The following RAI1 variants were observed in gnomAD, a reference collection of about 807,000 sequenced individuals.
RAI1 encodes the protein retinoic acid induced 1.
RAI1 carries 9 observed loss-of-function variants against 123.8 expected under a neutral mutation model. That is an observed-to-expected ratio of 0.07 (90% CI 0.04 to 0.13). The LOEUF (loss-of-function observed/expected upper bound fraction) is 0.13. RAI1 is among the 10% of genes least tolerant of loss of function. RAI1 has a pLI of 1.00. For synonymous variants in RAI1, 1,231 were observed against 1,127.3 expected (o/e 1.09, Z -1.84); for missense variants, 2,256 against 2,545.8 (o/e 0.89, Z 2.45).
intron 2 of RAI1, among the ~76,000 whole-genome samples, chr17:17,773,020 T>C (rs1470257658): frequency 1.5e-5 from 2 of 130,730 alleles, no homozygotes; most frequent in African/African-American, 5.8e-5. Flanking sequence ...GGTGGATGGA[T>C]AGATGGGTGT....
Position 17,797,805 on chromosome 17 carries a change from T to C in RAI1, c.4857T>C (p.Asp1619=). 1.2e-6 allele frequency: 2 copies of C among 1,614,040 alleles called. No individual in the cohort carries two copies. Among genetic ancestry groups the C allele is most frequent in the Non-Finnish European group, 1.7e-6 (2 of 1,180,024 alleles). The change falls in exon 3 of 6, where the codon GAT becomes GAC. Residue 1619 remains aspartate (D), a synonymous_variant. Coordinates refer to ENST00000353383, the MANE Select transcript of RAI1 (RefSeq NM_030665.4). ...TICTVVNSPG[D]APKPHRKPSS... is the part of the protein sequence containing the mutation. ...GCACTGTTGTCAACTCCCCTGGAGA[T>C]GCGCCCAAGCCCCACAGGAAGCCTT...
intron 2 of RAI1, among the ~76,000 whole-genome samples, chr17:17,740,735 T>A (rs1916596478): frequency 6.6e-6 from 1 of 152,166 alleles, no homozygotes; most frequent in African/African-American, 2.4e-5. Context: ...GGGACAATGC[T>A]ATTTTTCATA....
At chr17:17,735,165 G>A (rs1916389667) in intron 2 of RAI1, among the ~76,000 whole-genome samples, 1 of 151,730 alleles carries the variant, frequency 6.6e-6, no homozygotes, top group Non-Finnish European at 1.5e-5. Context: ...CAATTGTCCT[G>A]CCTCAGCCTC....
chr17:17,716,514 A>AG (rs1205508058), intron 1 of RAI1, among the ~76,000 whole-genome samples: 1 of 151,970 alleles, frequency 6.6e-6, no homozygotes, highest in Admixed American at 6.6e-5. Context: ...GCCCAGCCTG[A>AG]GGGGGGGACA....
At chr17:17,709,311 T>A (rs77650532) in intron 1 of RAI1, among the ~76,000 whole-genome samples, 156 of 152,290 alleles carry the variant, frequency 1.0e-3, no homozygotes, top group African/African-American at 3.5e-3. Flanking sequence ...GTCTGCTGTT[T>A]GCCGTATCAA....
At position 17,801,071 on chromosome 17, in the gene RAI1, G is replaced by A. The variant is rs2032445539; in HGVS notation, c.5565+2558G>A. 6.6e-6 allele frequency among the ~76,000 whole-genome samples: 1 copy of A among 152,136 alleles called. No individual in the cohort carries two copies. Among genetic ancestry groups the A allele is most frequent in the African/African-American group, 2.4e-5 (1 of 41,422 alleles). ...CCCTCGGTACCTTGACCTCACTTTTGCGCTCTGGAGGGCAGAACCTCTGAG... is the reference window on the plus strand; with the variant it reads ...CCCTCGGTACCTTGACCTCACTTTTACGCTCTGGAGGGCAGAACCTCTGAG... On this transcript the variant is annotated intron_variant, in intron 3 of 5. Coordinates refer to ENST00000353383, the MANE Select transcript of RAI1 (RefSeq NM_030665.4). This position sits in a 1 kb window ranked among gnomAD's most constrained non-coding sequence, Gnocchi z 4.1.
chr17:17,808,794 A>G (rs2032648917), intron 4 of RAI1, among the ~76,000 whole-genome samples: 1 of 152,186 alleles, frequency 6.6e-6, no homozygotes, highest in African/African-American at 2.4e-5. Context: ...ATAGGCATAC[A>G]GTAGGTGGCA....
At chr17:17,798,832 A>G (rs1397140228) in intron 3 of RAI1, among the ~76,000 whole-genome samples, 1 of 151,994 alleles carries the variant, frequency 6.6e-6, no homozygotes, top group African/African-American at 2.4e-5. Context: ...GCCCCTCCCC[A>G]TGCTGTCACC....
intron 1 of RAI1, among the ~76,000 whole-genome samples, chr17:17,688,530 T>C (rs1220125796): frequency 6.6e-6 from 1 of 152,118 alleles, no homozygotes; most frequent in East Asian, 1.9e-4. Flanking sequence ...AGGCCCCTCC[T>C]GGTTGCTGCT....
chr17:17,771,849 G>C (rs2031171564), intron 2 of RAI1, among the ~76,000 whole-genome samples: 1 of 152,192 alleles, frequency 6.6e-6, no homozygotes, highest in Admixed American at 6.5e-5. Flanking sequence ...TGATGCCAAG[G>C]AGGCACTGCC....
intron 2 of RAI1, among the ~76,000 whole-genome samples, chr17:17,730,626 G>A (rs975821202): frequency 1.3e-5 from 2 of 152,232 alleles, no homozygotes; most frequent in Non-Finnish European, 2.9e-5. Context: ...CAATGCTGCT[G>A]CCCAGTGATC....
chr17:17,797,487 C>G lies in RAI1; in HGVS notation c.4539C>G (p.Gly1513=), dbSNP rs760484966. The change falls in exon 3 of 6, where the codon GGC becomes GGG. Residue 1513 remains glycine, a synonymous_variant. Coordinates refer to ENST00000353383, the MANE Select transcript of RAI1 (RefSeq NM_030665.4). ...ELGLASQPPE[G]RPCQPQTRAQ... ...GCCTGGCCTCCCAGCCCCCGGAGGG[C>G]AGGCCCTGCCAGCCCCAGACAAGGG... 2 of 1,613,114 alleles carry G rather than the reference C, an allele frequency of 1.2e-6. No homozygotes were observed. Among genetic ancestry groups the G allele is most frequent in the South Asian group, 2.2e-5 (2 of 91,044 alleles).
chr17:17,761,614 G>A (rs1210341736), intron 2 of RAI1, among the ~76,000 whole-genome samples: 2 of 152,222 alleles, frequency 1.3e-5, no homozygotes, highest in Non-Finnish European at 1.5e-5. Context: ...AGGCCTACTA[G>A]CATTTTGCCA....
chr17:17,743,727 G>A (rs1379423668), intron 2 of RAI1, among the ~76,000 whole-genome samples: 2 of 152,244 alleles, frequency 1.3e-5, no homozygotes, highest in Admixed American at 1.3e-4. Flanking sequence ...CACGGCTCCC[G>A]TCCTAGGACC....
At chr17:17,770,236 G>T (rs917158001) in intron 2 of RAI1, among the ~76,000 whole-genome samples, 1 of 152,036 alleles carries the variant, frequency 6.6e-6, no homozygotes, top group African/African-American at 2.4e-5. Flanking sequence ...CCCAAAGGGC[G>T]GTGGGGTGGC....
chr17:17,743,050 A>G (rs1598048333), intron 2 of RAI1, among the ~76,000 whole-genome samples: 3 of 152,192 alleles, frequency 2.0e-5, no homozygotes, highest in Non-Finnish European at 2.9e-5. Context: ...GTGCAGTGAC[A>G]TGATCACAGC....
At chr17:17,766,124 C>T (rs965409221) in intron 2 of RAI1, 1 of 152,250 alleles carries the variant, frequency 6.6e-6, no homozygotes, top group African/African-American at 2.4e-5. Flanking sequence ...TGTCCTGGTC[C>T]TGCAGGATGC....
chr17:17,754,384 G>A (rs1472206830), intron 2 of RAI1, among the ~76,000 whole-genome samples: 3 of 152,024 alleles, frequency 2.0e-5, no homozygotes. Context: ...TTACAGGCAT[G>A]CGCCACCACA....
chr17:17,790,433 G>A (rs1469585532), intron 2 of RAI1, among the ~76,000 whole-genome samples: 4 of 152,164 alleles, frequency 2.6e-5, no homozygotes, highest in South Asian at 2.1e-4. Context: ...CCAGCTGCTC[G>A]TGTGTATTGG....
Sources: gnomAD v4.1 joint callset for allele counts (sites outside exome capture counted in the v4.1 genomes callset) on GRCh38, gnomAD v4.1.1 for gene constraint, Gnocchi (gnomAD v3.1) non-coding constraint, MANE v1.5 for transcripts, NCBI Gene and HGNC (gene_info 2026-07-23, HGNC 2026-07-21) for gene names.